Variants in ICAM1 observed in about 807,000 individuals in gnomAD.
ICAM1 encodes the protein intercellular adhesion molecule 1.
A neutral mutation model predicts 42.3 loss-of-function variants in ICAM1; 28 were observed. The ratio of observed to expected loss-of-function variants is 0.66; its 90% confidence interval spans 0.49 to 0.91. ICAM1 has a LOEUF of 0.91. Among genes scored for constraint, ICAM1 ranks in the 40% least tolerant of loss-of-function variants. ICAM1 has a pLI of 0.00. For synonymous variants in ICAM1, 304 were observed against 305.9 expected, an observed-to-expected ratio of 0.99 and a Z score of 0.07; for missense variants, 637 against 688.6, an observed-to-expected ratio of 0.93 and a Z score of 0.84.
At chr19:10,280,859 G>A (rs5030370) in intron 2 of ICAM1, among the ~76,000 whole-genome samples, 43,489 of 135,148 alleles carry the variant, frequency 0.32, 6,983 homozygotes, top group Middle Eastern at 0.55. Context: ...ATGAGCCACC[G>A]TGCCCGGCCT....
chr19:10,277,952 A>G (rs1380567455), intron 2 of ICAM1, among the ~76,000 whole-genome samples: 2 of 152,224 alleles, frequency 1.3e-5, no homozygotes, highest in African/African-American at 4.8e-5. Context: ...AATCCCAGTG[A>G]TTTAGAAGGC....
At position 10,283,600 on chromosome 19, in the gene ICAM1, C is replaced by A; in HGVS notation, c.451C>A (p.Leu151Ile). 1 of 1,614,006 alleles carries A rather than the reference C, an allele frequency of 6.2e-7. No individual in the cohort carries two copies. The highest frequency in any genetic ancestry group is 8.5e-7 in the Non-Finnish European group (1 of 1,180,004). The change falls in exon 3 of 7, where the codon CTC becomes ATC. Residue 151 changes from leucine to isoleucine, a missense_variant. Transcript: ENST00000264832. ...APRANLTVVL[L>I]RGEKELKREP... ...CCGGGCCAACCTCACCGTGGTGCTG[C>A]TCCGTGGGGAGAAGGAGCTGAAACG...
In ICAM1 at chr19:10,285,180, C is replaced by G; in HGVS notation, c.1492C>G (p.Leu498Val). 1 of 1,614,112 alleles carries G rather than the reference C, an allele frequency of 6.2e-7. No individual in the cohort carries two copies. Among genetic ancestry groups the G allele is most frequent in the Non-Finnish European group, 8.5e-7 (1 of 1,179,980 alleles). Residue 498 changes from leucine to valine, a missense_variant, in exon 7 of 7, where the codon CTC becomes GTC. Transcript: ENST00000264832. ...CGCAGTCATAATGGGCACTGCAGGC[C>G]TCAGCACGTACCTCTATAACCGCCA... ...AAAVIMGTAG[L>V]STYLYNRQRK...
At chr19:10,279,608 C>T (rs887950395) in intron 2 of ICAM1, among the ~76,000 whole-genome samples, 1 of 151,910 alleles carries the variant, frequency 6.6e-6, no homozygotes, top group African/African-American at 2.4e-5. Flanking sequence ...CTGAGCCTCC[C>T]GAGTTGCTGG....
At chr19:10,272,854 A>G (rs1599263357) in intron 1 of ICAM1, among the ~76,000 whole-genome samples, 1 of 152,006 alleles carries the variant, frequency 6.6e-6, no homozygotes, top group Admixed American at 6.6e-5. Context: ...CTTCTTTCTT[A>G]CCTGCAAGGT....
Position 10,283,625 on chromosome 19 carries a change from G to A in ICAM1, c.476G>A (p.Arg159Gln), listed in dbSNP as rs1361221966. 5 of 1,613,832 alleles carry A rather than the reference G, an allele frequency of 3.1e-6. No homozygotes were observed. The highest frequency in any genetic ancestry group is 1.3e-5 in the African/African-American group (1 of 74,924). ...VLLRGEKELK[R>Q]EPAVGEPAEV... ...CTCCGTGGGGAGAAGGAGCTGAAAC[G>A]GGAGCCAGCTGTGGGGGAGCCCGCT... The change falls in exon 3 of 7, where the codon CGG becomes CAG. Residue 159 changes from arginine (R) to glutamine (Q), a missense_variant. By Grantham distance (43) the Arg-to-Gln change is conservative (BLOSUM62 1). Coordinates refer to ENST00000264832, the MANE Select transcript of ICAM1 (RefSeq NM_000201.3).
intron 2 of ICAM1, among the ~76,000 whole-genome samples, chr19:10,282,095 A>C (rs958200633): frequency 6.7e-6 from 1 of 149,618 alleles, no homozygotes; most frequent in African/African-American, 2.5e-5. Context: ...TAATAGAAAC[A>C]GGGTCTTTCT....
In ICAM1 at chr19:10,285,605, T is replaced by A. The variant is rs992371244; in HGVS notation, c.*318T>A. On this transcript the variant is annotated 3_prime_UTR_variant, in exon 7 of 7. Transcript: ENST00000264832. ...TGGTGGGGGAGACATAGCCCCACCA[T>A]GAGGACATACAACTGGGAAATACTG... 1.7e-5 allele frequency: 5 copies of A among 300,398 alleles called. No homozygotes were observed. Among genetic ancestry groups the A allele is most frequent in the African/African-American group, 1.1e-4 (5 of 46,810 alleles). 18.6% of individuals were successfully genotyped at this position (300,398 alleles called of 1,614,324 possible).
intron 1 of ICAM1, among the ~76,000 whole-genome samples, chr19:10,273,349 G>A (rs1317348163): frequency 2.0e-5 from 3 of 151,820 alleles, no homozygotes; most frequent in African/African-American, 4.8e-5. Context: ...AAAATTACCC[G>A]GGCGTGGTGG....
intron 2 of ICAM1, among the ~76,000 whole-genome samples, chr19:10,279,649 ATTTT>A (rs1388410838): frequency 1.3e-5 from 2 of 151,650 alleles, no homozygotes; most frequent in African/African-American, 4.8e-5. Context: ...TGCCCAGCTA[ATTTT>A]TTTGTATTTT....
At chr19:10,281,721 CT>C (rs33958632) in intron 2 of ICAM1, among the ~76,000 whole-genome samples, 45,880 of 105,934 alleles carry the variant, frequency 0.43, 9,110 homozygotes, top group Middle Eastern at 0.61. Context: ...GGTCCTGATG[CT>C]TTTTTTTTTT....
intron 1 of ICAM1, among the ~76,000 whole-genome samples, chr19:10,272,483 A>AT (rs1344253206): frequency 2.0e-5 from 3 of 150,032 alleles, no homozygotes; most frequent in East Asian, 2.0e-4. Flanking sequence ...GGGCTCAGAC[A>AT]TTTTTTCCCA....
At chr19:10,281,325 A>G (rs1053689540) in intron 2 of ICAM1, among the ~76,000 whole-genome samples, 2 of 149,440 alleles carry the variant, frequency 1.3e-5, no homozygotes, top group African/African-American at 2.5e-5. Context: ...AGGTCTTGCA[A>G]TGTTGCCCAA....
rs141080585 is a variant in ICAM1, at chr19:10,284,233, G to T, written c.838G>T (p.Ala280Ser). The T allele has an allele frequency of 5.0e-6, 8 of 1,613,970 alleles. No homozygotes were observed. The highest frequency in any genetic ancestry group is 6.8e-6 in the Non-Finnish European group (8 of 1,180,028). The change falls in exon 4 of 7, where the codon GCA (alanine) becomes TCA (serine). Residue 280 changes from alanine to serine, a missense_variant. Ala to Ser is a moderately conservative substitution (Grantham distance 99, BLOSUM62 1). Transcript: ENST00000264832. The surrounding 1 kb of genome is among the most constrained non-coding windows in gnomAD (Gnocchi z 5.4). ...FSAKASVSVT[A>S]EDEGTQRLTC... Reference sequence around the variant, plus strand: ...GGCCAAGGCCTCAGTCAGTGTGACCGCAGAGGACGAGGGCACCCAGCGGCT... The same window carrying T: ...GGCCAAGGCCTCAGTCAGTGTGACCTCAGAGGACGAGGGCACCCAGCGGCT...
At chr19:10,283,988 C>T (rs778844019) in intron 3 of ICAM1, 45 bp from the exon 4 acceptor site, 4 of 1,578,384 alleles carry the variant, frequency 2.5e-6, no homozygotes, top group East Asian at 2.2e-5. Context: ...AGAAGGGCTT[C>T]GGGACGTCCA....
intron 2 of ICAM1, among the ~76,000 whole-genome samples, chr19:10,280,077 G>A (rs1220706648): frequency 1.3e-5 from 2 of 152,156 alleles, no homozygotes; most frequent in African/African-American, 2.4e-5. Context: ...CATGTTGTGG[G>A]CAGTGACCGT....
chr19:10,284,004 G>C lies in ICAM1; in HGVS notation c.638-29G>C. On this transcript the variant is annotated intron_variant, in intron 3 of 6. Transcript: ENST00000264832. The surrounding 1 kb of genome is among the most constrained non-coding windows in gnomAD (Gnocchi z 5.4). ...GAAGGGCTTCGGGACGTCCATCCCT[G>C]TCTGCTCACACCTTTCTTCTCTCCC... 1 of 1,600,016 alleles carries C rather than the reference G, an allele frequency of 6.2e-7. No individual in the cohort carries two copies. The highest frequency in any genetic ancestry group is 1.1e-5 in the South Asian group (1 of 89,970).
intron 2 of ICAM1, among the ~76,000 whole-genome samples, chr19:10,282,700 T>G (rs924541661): frequency 2.1e-5 from 3 of 145,428 alleles, no homozygotes; most frequent in Non-Finnish European, 4.6e-5. Flanking sequence ...GTTTTTTTTT[T>G]TGTTTTGTTT....
chr19:10,271,564 C>T (rs893225816), intron 1 of ICAM1, among the ~76,000 whole-genome samples: 3 of 152,088 alleles, frequency 2.0e-5, no homozygotes, highest in African/African-American at 4.8e-5. Flanking sequence ...GTGTGAACCA[C>T]CGCCTTGCTT....
Sources: allele counts gnomAD v4.1 joint callset (sites outside exome capture counted in the v4.1 genomes callset), GRCh38; gene constraint gnomAD v4.1.1; non-coding constraint Gnocchi (gnomAD v3.1); transcripts MANE v1.5; gene names NCBI Gene and HGNC (gene_info 2026-07-23, HGNC 2026-07-21).